The following ADAM9 variants were observed in gnomAD, a reference collection of about 807,000 sequenced individuals.
ADAM9 encodes ADAM metallopeptidase domain 9, also known as disintegrin and metalloproteinase domain-containing protein 9.
Under a neutral mutation model 108.1 loss-of-function variants are expected in ADAM9, and 54 were observed. The ratio of observed to expected loss-of-function variants is 0.50; its 90% CI spans 0.40 to 0.63. The LOEUF is 0.63. Ranked by LOEUF, ADAM9 falls within the 20% of genes least tolerant of loss-of-function variation. The pLI is 0.00. For synonymous variants in ADAM9, 316 were observed against 336.0 expected (o/e 0.94, Z 0.65); for missense variants, 830 against 997.7 (o/e 0.83, Z 2.26).
intron 20 of ADAM9, among the ~76,000 whole-genome samples, chr8:39,096,894 C>A (rs2129443486): frequency 6.6e-6 from 1 of 152,170 alleles, no homozygotes; most frequent in East Asian, 1.9e-4. Flanking sequence ...ACATCATTTT[C>A]CTGATTTCTT....
chr8:39,010,952 G>T (rs1272496473), intron 2 of ADAM9, among the ~76,000 whole-genome samples: 1 of 152,044 alleles, frequency 6.6e-6, no homozygotes, highest in South Asian at 2.1e-4. Context: ...AATTAGCCGG[G>T]TGTGTTGGTG....
At chr8:39,009,906 G>C (rs1438993134) in intron 2 of ADAM9, among the ~76,000 whole-genome samples, 1 of 55,516 alleles carries the variant, frequency 1.8e-5, no homozygotes, top group Non-Finnish European at 3.8e-5. Flanking sequence ...GGGGGGGGGG[G>C]GCAGGGAGAG....
At chr8:39,017,016 A>G in intron 5 of ADAM9, 1 of 584,014 alleles carries the variant, frequency 1.7e-6, no homozygotes, top group East Asian at 2.9e-5. Context: ...ACTTACAGGC[A>G]GTGACGCTGC....
Position 39,026,774 on chromosome 8 carries a change from G to C in ADAM9, c.1094G>C (p.Cys365Ser). ...CACGATGATGGGAGAGATTGTTCCT[G>C]TGGAGCAAAGAGCTGCATCATGAAT... ...MNHDDGRDCSCGAKSCIMNSG... is the reference protein window; with the variant it reads ...MNHDDGRDCSSGAKSCIMNSG... The change falls in exon 11 of 22, where the codon TGT (cysteine) becomes TCT (serine). Residue 365 changes from cysteine to serine, a missense_variant. Physicochemically the swap from Cys to Ser is moderately radical, Grantham distance 112. Around this residue, in one of 3 missense-constraint regions of ADAM9, gnomAD observed 381 missense variants for 539.8 expected, o/e 0.71. Transcript: ENST00000487273. 6.2e-7 allele frequency: 1 copy of C among 1,614,138 alleles called. No individual in the cohort carries two copies. Among genetic ancestry groups the C allele is most frequent in the Non-Finnish European group, 8.5e-7 (1 of 1,180,022 alleles).
At chr8:39,099,249 C>T (rs547029844) in intron 20 of ADAM9, among the ~76,000 whole-genome samples, 18 of 152,154 alleles carry the variant, frequency 1.2e-4, no homozygotes, top group Admixed American at 5.9e-4. Context: ...TCACTGAAAA[C>T]GCATACTGCC....
At chr8:39,082,852 A>G in intron 17 of ADAM9, 116 bp from the exon 18 acceptor site, 1 of 1,340,384 alleles carries the variant, frequency 7.5e-7, no homozygotes, top group Non-Finnish European at 1.1e-6. Flanking sequence ...TTTCATTCTT[A>G]AACAGTGTCA....
At chr8:39,023,998 G>T (rs987502611) in intron 9 of ADAM9, among the ~76,000 whole-genome samples, 1 of 152,004 alleles carries the variant, frequency 6.6e-6, no homozygotes, top group Admixed American at 6.6e-5. Context: ...CACCTGTTTT[G>T]GCCTCCCACA....
intron 18 of ADAM9, among the ~76,000 whole-genome samples, chr8:39,089,361 CTG>C (rs1040030009): frequency 2.0e-5 from 3 of 152,156 alleles, no homozygotes; most frequent in African/African-American, 7.2e-5. Context: ...AAATTTGGCT[CTG>C]TGGGTGAGGC....
intron 12 of ADAM9, among the ~76,000 whole-genome samples, chr8:39,047,966 G>T (rs1446074256): frequency 2.0e-5 from 3 of 151,460 alleles, no homozygotes; most frequent in Admixed American, 1.3e-4. Context: ...TGTTGTCCAG[G>T]CTGGAGTGTA....
chr8:39,081,474 C>A (rs774636350), intron 16 of ADAM9, among the ~76,000 whole-genome samples: 11 of 152,130 alleles, frequency 7.2e-5, no homozygotes, highest in Non-Finnish European at 1.2e-4. Context: ...TAGGGAAACT[C>A]TTGGTAAATA....
intron 11 of ADAM9, among the ~76,000 whole-genome samples, chr8:39,034,950 T>G (rs1837221441): frequency 6.6e-6 from 1 of 152,232 alleles, no homozygotes; most frequent in African/African-American, 2.4e-5. Context: ...TTTTAGTGTT[T>G]TAAAGTTTGT....
In ADAM9 at chr8:39,077,220, C is replaced by T. The variant is rs769086073; in HGVS notation, c.1698-8C>T. 4.0e-5 allele frequency: 64 copies of T among 1,613,612 alleles called. No homozygotes were observed. In the Admixed American group the frequency reaches 1.1e-3, roughly 26 times the overall value. ...ATTTTATGTTGCATTATTTCTCTCT[C>T]TTTATAGGAATGCTTTGTGTGGAAA... is the stretch of plus-strand genomic sequence containing the variant. On this transcript the variant is annotated splice_region_variant and splice_polypyrimidine_tract_variant and intron_variant, in intron 15 of 21. Coordinates refer to ENST00000487273, the MANE Select transcript of ADAM9 (RefSeq NM_003816.3).
chr8:39,089,895 A>G (rs1446583104), intron 18 of ADAM9, 152 bp from the exon 19 acceptor site: 5 of 828,540 alleles, frequency 6.0e-6, no homozygotes, highest in Non-Finnish European at 1.0e-5. Context: ...AGCGGACAGG[A>G]ATGAACTTTG....
intron 18 of ADAM9, 21 bp from the exon 19 acceptor site, chr8:39,090,026 A>G (rs765454843): frequency 3.7e-6 from 6 of 1,613,026 alleles, no homozygotes; most frequent in Non-Finnish European, 5.1e-6. Context: ...GTGACTGTTG[A>G]TGTAAAATTC....
At chr8:39,021,531 G>A (rs950289029) in intron 7 of ADAM9, 112 bp from the exon 8 acceptor site, 82 of 912,434 alleles carry the variant, frequency 9.0e-5, no homozygotes, top group Non-Finnish European at 4.0e-5. Flanking sequence ...TGATCTACCC[G>A]CCTGGGCCTC....
At chr8:39,021,884 G>T (rs1389610697) in intron 8 of ADAM9, among the ~76,000 whole-genome samples, 170 bp downstream of exon 8, 1 of 152,146 alleles carries the variant, frequency 6.6e-6, no homozygotes, top group Non-Finnish European at 1.5e-5. Flanking sequence ...ATGTTTAAAG[G>T]AAAGTACCAG....
intron 7 of ADAM9, among the ~76,000 whole-genome samples, chr8:39,019,317 T>A (rs56316649): frequency 1.3e-5 from 2 of 152,270 alleles, no homozygotes; most frequent in Non-Finnish European, 2.9e-5. Context: ...ATAACCTATA[T>A]TGCACTTTGA....
intron 16 of ADAM9, among the ~76,000 whole-genome samples, chr8:39,080,343 CAT>C (rs1289788856): frequency 6.6e-6 from 1 of 152,066 alleles, no homozygotes; most frequent in Non-Finnish European, 1.5e-5. Context: ...TTGTTATTAA[CAT>C]ATATCAATGT....
Position 39,077,220 on chromosome 8 carries a change from CTT to C in ADAM9, c.1698-6_1698-5del. ...ATTTTATGTTGCATTATTTCTCTCT[CTT>C]TATAGGAATGCTTTGTGTGGAAAGC... is the stretch of plus-strand genomic sequence containing the variant. On this transcript the variant is annotated splice_region_variant and splice_polypyrimidine_tract_variant and intron_variant, in intron 15 of 21. Transcript: ENST00000487273. 6.2e-7 allele frequency: 1 copy of C among 1,613,730 alleles called. No individual in the cohort carries two copies. The highest frequency in any genetic ancestry group is 8.5e-7 in the Non-Finnish European group (1 of 1,179,768).
Sources: gnomAD v4.1 joint callset for allele counts (sites outside exome capture counted in the v4.1 genomes callset) on GRCh38, gnomAD v4.1.1 for gene constraint, gnomAD v4.1.1 regional missense constraint, MANE v1.5 for transcripts, NCBI Gene and HGNC (gene_info 2026-07-23, HGNC 2026-07-21) for gene names.